ERC1: variants seen among roughly 807,000 people sequenced by gnomAD.
The protein encoded by ERC1 is ELKS/RAB6-interacting/CAST family member 1, also known as RAB6 interacting protein 2.
In ERC1, 56 loss-of-function variants were observed where a neutral mutation model predicts 132.0. That is an observed-to-expected ratio of 0.42 (90% CI 0.34 to 0.53). The LOEUF is 0.53. Ranked by LOEUF, ERC1 falls within the 20% of genes least tolerant of loss-of-function variation. The pLI is 0.03. For missense variants in ERC1, 1,202 were observed against 1,349.9 expected (o/e 0.89, Z 1.72); for synonymous variants, 478 against 476.1 (o/e 1.00, Z -0.05).
intron 17 of ERC1, among the ~76,000 whole-genome samples, chr12:1,412,478 G>A (rs1236621335): frequency 6.6e-6 from 1 of 152,180 alleles, no homozygotes; most frequent in Non-Finnish European, 1.5e-5. Flanking sequence ...GTAGGCTTTG[G>A]AGCGGGATGC....
chr12:1,406,629 G>C (rs2091511164), intron 16 of ERC1, among the ~76,000 whole-genome samples: 1 of 152,004 alleles, frequency 6.6e-6, no homozygotes, highest in Non-Finnish European at 1.5e-5. Flanking sequence ...TTTTTTGTTT[G>C]TACTTTATTT....
At chr12:1,115,349 A>G (rs1257366669) in intron 6 of ERC1, among the ~76,000 whole-genome samples, 1 of 152,232 alleles carries the variant, frequency 6.6e-6, no homozygotes, top group African/African-American at 2.4e-5. Flanking sequence ...ATTTTATGCA[A>G]ACTTTTGAGA....
In ERC1 at chr12:1,300,662, A is replaced by C. The variant is rs146932558; in HGVS notation, c.2780+10650A>C. Among the ~76,000 whole-genome samples the C allele has an allele frequency of 9.9e-4, 151 of 152,346 alleles. 1 individual carries two copies. Among genetic ancestry groups the C allele is most frequent in the African/African-American group, 3.5e-3 (145 of 41,572 alleles). ...AAAGGGCGTGAACAGACACTTCTCA[A>C]AAGAAGACATACATGTGGCTAATGA... is the stretch of plus-strand genomic sequence containing the variant. On this transcript the variant is annotated intron_variant, in intron 15 of 18. Coordinates refer to ENST00000360905, the MANE Select transcript of ERC1 (RefSeq NM_178040.4).
intron 3 of ERC1, among the ~76,000 whole-genome samples, chr12:1,100,840 A>G (rs538380164): frequency 2.0e-5 from 3 of 152,304 alleles, no homozygotes; most frequent in South Asian, 2.1e-4. Context: ...CAGTATGTGC[A>G]TGATACTGAA....
intron 15 of ERC1, among the ~76,000 whole-genome samples, chr12:1,363,025 T>C (rs997239721): frequency 1.1e-4 from 17 of 152,316 alleles, no homozygotes; most frequent in Admixed American, 9.2e-4. Flanking sequence ...TAGACATACA[T>C]TTTGGTGAGT....
intron 17 of ERC1, among the ~76,000 whole-genome samples, chr12:1,424,864 C>A (rs7969785): frequency 0.13 from 11,555 of 91,962 alleles, 719 homozygotes; most frequent in Middle Eastern, 0.18. Flanking sequence ...ATAGATAGAT[C>A]GATAGATAGA....
chr12:1,129,549 G>A (rs934298310), intron 7 of ERC1, among the ~76,000 whole-genome samples: 2 of 151,992 alleles, frequency 1.3e-5, no homozygotes, highest in Non-Finnish European at 1.5e-5. Context: ...AACCTGCTGG[G>A]GAGAAAAAAT....
At chr12:1,284,924 C>T (rs2078945709) in intron 14 of ERC1, among the ~76,000 whole-genome samples, 1 of 152,188 alleles carries the variant, frequency 6.6e-6, no homozygotes, top group Non-Finnish European at 1.5e-5. Context: ...GCCACCACTC[C>T]CAGCTTCACT....
At chr12:1,379,923 GCTGA>G (rs902305911) in intron 16 of ERC1, 8 of 152,316 alleles carry the variant, frequency 5.3e-5, no homozygotes, top group Admixed American at 5.2e-4. Context: ...CATCCTGAAG[GCTGA>G]CTACCACAGC....
chr12:1,162,829 T>C (rs1019740637), intron 8 of ERC1, among the ~76,000 whole-genome samples: 1 of 152,202 alleles, frequency 6.6e-6, no homozygotes. Context: ...TAGAGAAGAC[T>C]GTGTCAGGCC....
intron 7 of ERC1, among the ~76,000 whole-genome samples, chr12:1,124,514 C>T (rs1246941822): frequency 4.6e-5 from 7 of 151,848 alleles, no homozygotes; most frequent in Non-Finnish European, 8.8e-5. Context: ...GTAACTAAAG[C>T]AGTATTTAGA....
chr12:1,171,431 T>C (rs1455755945), intron 8 of ERC1, among the ~76,000 whole-genome samples: 2 of 148,352 alleles, frequency 1.3e-5, no homozygotes, highest in South Asian at 4.3e-4. Flanking sequence ...TGTCTGATGG[T>C]GGACAAACTG....
At chr12:1,117,241 A>G (rs1946552477) in intron 7 of ERC1, among the ~76,000 whole-genome samples, 1 of 152,194 alleles carries the variant, frequency 6.6e-6, no homozygotes, top group South Asian at 2.1e-4. Flanking sequence ...GAGGAGGAAA[A>G]GAAAGAATAA....
intron 1 of ERC1, among the ~76,000 whole-genome samples, chr12:996,671 G>A (rs1344449807): frequency 3.3e-5 from 5 of 152,110 alleles, no homozygotes; most frequent in African/African-American, 1.2e-4. Flanking sequence ...ACTTCTTATT[G>A]TTGTTGTTAA....
At chr12:1,488,961 T>G (rs1473078380) in intron 18 of ERC1, among the ~76,000 whole-genome samples, 1 of 152,172 alleles carries the variant, frequency 6.6e-6, no homozygotes, top group Non-Finnish European at 1.5e-5. Flanking sequence ...TTCCTTCTGC[T>G]CAGTCTGAGA....
chr12:1,366,654 G>A (rs1270423714), intron 15 of ERC1, among the ~76,000 whole-genome samples: 1 of 152,160 alleles, frequency 6.6e-6, no homozygotes, highest in East Asian at 1.9e-4. Flanking sequence ...CCTTGGAAAA[G>A]TAGGACAGTA....
rs1444727120 is a variant in ERC1, at chr12:1,388,324, TG to T, written c.2925+16350del. ...GAGATTGCGCCACCGCACTCCAGCC[TG>T]GGTGACAGAGACTCTGTCTCAAAAA... On this transcript the variant is annotated intron_variant, in intron 16 of 18. Transcript: ENST00000360905. Among the ~76,000 whole-genome samples the T allele has an allele frequency of 4.6e-4, 58 of 126,718 alleles. 1 individual carries two copies. Among genetic ancestry groups the T allele is most frequent in the East Asian group, 3.8e-3 (17 of 4,456 alleles). 83.1% of individuals were successfully genotyped at this position (126,718 alleles called of 152,430 possible).
intron 15 of ERC1, among the ~76,000 whole-genome samples, chr12:1,304,669 A>G (rs1343751600): frequency 6.6e-6 from 1 of 150,868 alleles, no homozygotes; most frequent in Non-Finnish European, 1.5e-5. Flanking sequence ...GGAGAGTCTG[A>G]TAATTGGCAT....
At chr12:1,025,555 C>G (rs1966849459) in intron 1 of ERC1, among the ~76,000 whole-genome samples, 1 of 152,056 alleles carries the variant, frequency 6.6e-6, no homozygotes, top group African/African-American at 2.4e-5. Context: ...CTCAAGTTCA[C>G]AAGGATATTC....
Sources: gnomAD v4.1 joint callset for allele counts (sites outside exome capture counted in the v4.1 genomes callset) on GRCh38, gnomAD v4.1.1 for gene constraint, MANE v1.5 for transcripts, NCBI Gene and HGNC (gene_info 2026-07-23, HGNC 2026-07-21) for gene names.